The following SUGCT variants were observed in gnomAD, a reference collection of about 807,000 sequenced individuals.
The protein encoded by SUGCT is succinyl-CoA:glutarate-CoA transferase, also known as succinyl-CoA:glutarate CoA-transferase.
In SUGCT, 41 loss-of-function variants were observed where a neutral mutation model predicts 55.0. That is an observed-to-expected ratio of 0.74 (90% CI 0.58 to 0.97). SUGCT has a LOEUF of 0.97. Among genes scored for constraint, SUGCT ranks in the 50% least tolerant of loss-of-function variants. The probability of loss-of-function intolerance (pLI) is 0.00; values close to 1 mark genes in which losing one functional copy is unlikely to be tolerated. For synonymous variants in SUGCT, 187 were observed against 200.4 expected (o/e 0.93, Z 0.56); for missense variants, 568 against 547.8 (o/e 1.04, Z -0.37).
Position 40,497,327 on chromosome 7 carries a change from A to G in SUGCT, c.1089+941A>G, listed in dbSNP as rs1288663961. The stretch of plus-strand genomic sequence containing the variant: ...GAAAACCTTTGGTGCCTTTTATCTT[A>G]CATGAATATCTGCTTAAAAGAAAAT... On this transcript the variant is annotated intron_variant, in intron 12 of 13. Transcript: ENST00000335693. Among the ~76,000 whole-genome samples, 8 of 152,340 alleles carry G rather than the reference A, an allele frequency of 5.3e-5. No individual in the cohort carries two copies. In the East Asian group the frequency reaches 1.5e-3, roughly 29 times the overall value.
chr7:40,489,817 C>A, intron 11 of SUGCT, among the ~76,000 whole-genome samples: 1 of 152,162 alleles, frequency 6.6e-6, no homozygotes, highest in East Asian at 1.9e-4. Context: ...GTCCCCAGCA[C>A]CTTATTTTGT....
At chr7:40,673,371 A>G (rs1019851860) in intron 12 of SUGCT, among the ~76,000 whole-genome samples, 41 of 152,150 alleles carry the variant, frequency 2.7e-4, no homozygotes, top group Admixed American at 6.5e-4. Flanking sequence ...CTTATAAACC[A>G]CCTGTGGGCT....
At chr7:40,392,068 G>C (rs1029919387) in intron 9 of SUGCT, among the ~76,000 whole-genome samples, 2 of 152,308 alleles carry the variant, frequency 1.3e-5, no homozygotes, top group Admixed American at 1.3e-4. Flanking sequence ...ATCACTCATA[G>C]GTGGGAATTG....
intron 9 of SUGCT, among the ~76,000 whole-genome samples, chr7:40,338,638 T>C (rs1796859184): frequency 6.6e-6 from 1 of 152,208 alleles, no homozygotes; most frequent in African/African-American, 2.4e-5. Context: ...TTATTCTAGT[T>C]AGCCATTCGT....
At chr7:40,589,695 G>T (rs899043791) in intron 12 of SUGCT, among the ~76,000 whole-genome samples, 4 of 152,068 alleles carry the variant, frequency 2.6e-5, no homozygotes, top group African/African-American at 9.7e-5. Flanking sequence ...CATAAGTAAG[G>T]CCAGATAATT....
At chr7:40,350,126 T>A (rs1797536783) in intron 9 of SUGCT, among the ~76,000 whole-genome samples, 1 of 152,036 alleles carries the variant, frequency 6.6e-6, no homozygotes. Flanking sequence ...TCCTTTATTC[T>A]AATATTGTTC....
chr7:40,270,673 A>G (rs1361194192), intron 7 of SUGCT, among the ~76,000 whole-genome samples: 1 of 152,134 alleles, frequency 6.6e-6, no homozygotes, highest in African/African-American at 2.4e-5. Context: ...TAGATTGGTT[A>G]TTCTTTGTTT....
intron 12 of SUGCT, among the ~76,000 whole-genome samples, chr7:40,719,402 G>GTC (rs1393849656): frequency 6.6e-6 from 1 of 152,090 alleles, no homozygotes; most frequent in African/African-American, 2.4e-5. Context: ...CCTGACCATG[G>GTC]TCTCCCTCAG....
chr7:41,002,352 T>C, the SUGCT span, among the ~76,000 whole-genome samples: 5 of 152,208 alleles, frequency 3.3e-5, no homozygotes, highest in African/African-American at 9.6e-5. Flanking sequence ...TATCAAGAGA[T>C]AGAGGACAGA....
At chr7:40,997,896 G>T in the SUGCT span, among the ~76,000 whole-genome samples, 4 of 152,020 alleles carry the variant, frequency 2.6e-5, no homozygotes, top group African/African-American at 9.7e-5. Context: ...TCTTGACAAT[G>T]GTGTAGACTG....
At chr7:40,556,162 A>G (rs897970306) in intron 12 of SUGCT, among the ~76,000 whole-genome samples, 15 of 152,268 alleles carry the variant, frequency 9.9e-5, no homozygotes, top group Admixed American at 3.9e-4. Context: ...TGTTAAGTCT[A>G]TCCTCCACCT....
intron 7 of SUGCT, among the ~76,000 whole-genome samples, chr7:40,249,331 A>ATATATATATC (rs1790172828): frequency 3.4e-5 from 4 of 115,944 alleles, no homozygotes; most frequent in Non-Finnish European, 7.2e-5. Flanking sequence ...ATATATATAT[A>ATATATATATC]TATATATATA....
At chr7:40,276,815 GTGTGTC>G (rs898145545) in intron 8 of SUGCT, among the ~76,000 whole-genome samples, 1 of 142,418 alleles carries the variant, frequency 7.0e-6, no homozygotes, top group African/African-American at 2.6e-5. Context: ...GTGTGTGTGT[GTGTGTC>G]TGTCTGTCTG....
intron 4 of SUGCT, among the ~76,000 whole-genome samples, 170 bp from the exon 5 acceptor site, chr7:40,189,374 T>C (rs1360536230): frequency 2.0e-5 from 3 of 149,830 alleles, no homozygotes; most frequent in Non-Finnish European, 4.4e-5. Flanking sequence ...GAAAAACTTT[T>C]ATGATAGTAT....
At chr7:40,344,903 A>G (rs372252133) in intron 9 of SUGCT, among the ~76,000 whole-genome samples, 15 of 152,188 alleles carry the variant, frequency 9.9e-5, no homozygotes, top group African/African-American at 3.6e-4. Context: ...ACGTTTTTGA[A>G]AGCAGGAACC....
intron 13 of SUGCT, among the ~76,000 whole-genome samples, chr7:40,807,276 C>A (rs1430551131): frequency 3.9e-5 from 6 of 152,084 alleles, no homozygotes; most frequent in Non-Finnish European, 7.4e-5. Context: ...AGGTTTGTCA[C>A]ATAGGTAAAC....
At chr7:41,010,044 A>G in the SUGCT span, among the ~76,000 whole-genome samples, 1 of 152,208 alleles carries the variant, frequency 6.6e-6, no homozygotes, top group South Asian at 2.1e-4. Flanking sequence ...TGTAAAGTGA[A>G]TTCAGAGAGA....
rs182789858 is a variant in SUGCT at position 40,613,810 on chromosome 7, A to G, written c.1089+117424A>G. On this transcript the variant is annotated intron_variant, in intron 12 of 13. Transcript: ENST00000335693. ...TTTTTAGTAGAAACGGGGTTTCTCC[A>G]TGTTGGTCAGGCTGGTCTCCATGTT... Among the ~76,000 whole-genome samples, 4 of 152,234 alleles carry G rather than the reference A, an allele frequency of 2.6e-5. No homozygotes were observed. The East Asian group carries it at 7.8e-4, about 30-fold the overall frequency.
At chr7:40,958,352 G>A in the SUGCT span, among the ~76,000 whole-genome samples, 4 of 152,018 alleles carry the variant, frequency 2.6e-5, no homozygotes, top group South Asian at 8.3e-4. Context: ...TGGAGGCTTT[G>A]TTCATTCCTG....
Sources: allele counts gnomAD v4.1 joint callset (sites outside exome capture counted in the v4.1 genomes callset), GRCh38; gene constraint gnomAD v4.1.1; transcripts MANE v1.5; gene names NCBI Gene and HGNC (gene_info 2026-07-23, HGNC 2026-07-21).